Variants in EPG5 observed in about 807,000 individuals in gnomAD.
EPG5 encodes ectopic P granules protein 5 homolog.
EPG5 carries 159 observed loss-of-function variants against 302.7 expected under a neutral mutation model. The ratio of observed to expected loss-of-function variants is 0.53; its 90% CI spans 0.46 to 0.60. The LOEUF (loss-of-function observed/expected upper bound fraction) is 0.60. EPG5 is among the 20% of genes least tolerant of loss of function. The pLI is 0.00. For synonymous variants in EPG5, 1,158 were observed against 1,136.8 expected, an observed-to-expected ratio of 1.02 and a Z score of -0.37; for missense variants, 2,896 against 3,092.4, an observed-to-expected ratio of 0.94 and a Z score of 1.51.
chr18:45,945,623 T>C (rs2145922558), intron 7 of EPG5, among the ~76,000 whole-genome samples: 2 of 152,254 alleles, frequency 1.3e-5, no homozygotes, highest in South Asian at 2.1e-4. Flanking sequence ...TGGGATTAAA[T>C]GCAGGAAACC....
chr18:45,837,646 C>G, the EPG5 span: 1 of 1,506,510 alleles, frequency 6.6e-7, no homozygotes. Flanking sequence ...CCATCTGGCG[C>G]GCGGGCGAGC....
In EPG5 at chr18:45,850,959, T is replaced by C. The variant is rs1052180202; in HGVS notation, c.*1508A>G. The C allele has an allele frequency of 2.0e-5, 3 of 152,300 alleles. No individual in the cohort carries two copies. Among genetic ancestry groups the C allele is most frequent in the African/African-American group, 4.8e-5 (2 of 41,474 alleles). 9.4% of individuals were successfully genotyped at this position (152,300 alleles called of 1,614,324 possible). A position where few individuals can be genotyped will look rare whatever the true frequency, so the allele number is the denominator to read the frequency against. On this transcript the variant is annotated 3_prime_UTR_variant, in exon 44 of 44. Transcript: ENST00000282041. ...GACAGATCCCTCTGAGACGGACATT[T>C]TGTGGCCTGTAAAACTCAAGAGACT...
At chr18:45,880,527 G>A (rs1045143053) in intron 31 of EPG5, among the ~76,000 whole-genome samples, 2 of 152,112 alleles carry the variant, frequency 1.3e-5, no homozygotes, top group Non-Finnish European at 2.9e-5. Context: ...GGGAATGGTG[G>A]CAGTGCCTCT....
intron 16 of EPG5, among the ~76,000 whole-genome samples, chr18:45,921,964 A>T (rs768533690): frequency 5.8e-4 from 77 of 132,602 alleles, no homozygotes; most frequent in African/African-American, 8.1e-4. Context: ...AGTAAAATTT[A>T]AAAAAAAAAA....
chr18:45,881,145 T>C (rs992720502), intron 31 of EPG5, among the ~76,000 whole-genome samples: 8 of 152,336 alleles, frequency 5.3e-5, no homozygotes, highest in African/African-American at 1.7e-4. Context: ...TCATGACATC[T>C]GAGAGGTATC....
chr18:45,954,468 G>C lies in EPG5; in HGVS notation c.934C>G (p.Leu312Val), dbSNP rs1599648657. The stretch of plus-strand genomic sequence containing the variant: ...TTTTGGCAATCAGATGTCAGAGTAA[G>C]CAGCTCAGCTTCAGCCAGCAGCAGT... ...KQLLLAEAELLTLTSDCQNAK... is the reference protein window; with the variant it reads ...KQLLLAEAELVTLTSDCQNAK... The change falls in exon 2 of 44, where the codon CTT becomes GTT. Residue 312 changes from leucine to valine, a missense_variant. By Grantham distance (32) the Leu-to-Val change is conservative (BLOSUM62 1). This residue lies in a region of EPG5 where 1,390 missense variants were observed against 1,430.0 expected (regional missense o/e 0.97). Transcript: ENST00000282041. The C allele has an allele frequency of 6.2e-7, 1 of 1,614,256 alleles. No homozygotes were observed. Among genetic ancestry groups the C allele is most frequent in the East Asian group, 2.2e-5 (1 of 44,896 alleles).
Position 45,852,702 on chromosome 18 carries a change from C to T in EPG5, c.7558-53G>A, listed in dbSNP as rs2048440525. ...AACTCCATAGAGGCACATAATGTGA[C>T]TGCCAGAGGTACAGCACACCCATTA... On this transcript the variant is annotated intron_variant, in intron 43 of 43. Transcript: ENST00000282041. 2.0e-6 allele frequency: 3 copies of T among 1,482,352 alleles called. No individual in the cohort carries two copies. In the African/African-American group the frequency reaches 4.2e-5, roughly 21 times the overall value. 91.8% of individuals were successfully genotyped at this position (1,482,352 alleles called of 1,614,324 possible).
intron 22 of EPG5, 57 bp from the exon 23 acceptor site, chr18:45,910,799 T>C: frequency 4.3e-6 from 6 of 1,392,932 alleles, no homozygotes; most frequent in Non-Finnish European, 6.0e-6. Flanking sequence ...ACTTTCTGTA[T>C]GGCATAAAAT....
At chr18:45,874,373 AC>A (rs973556771) in intron 35 of EPG5, among the ~76,000 whole-genome samples, 5 of 152,188 alleles carry the variant, frequency 3.3e-5, no homozygotes, top group African/African-American at 1.2e-4. Context: ...CAAAAAAAAA[AC>A]AAAACTGGAT....
rs771061764 is a variant in EPG5 at position 45,929,034 on chromosome 18, G to T, written c.2413-25C>A. On this transcript the variant is annotated intron_variant, in intron 12 of 43. Coordinates refer to ENST00000282041, the MANE Select transcript of EPG5 (RefSeq NM_020964.3). ...CCTAAATGGGGGGAAGGGGGAAGAA[G>T]ATGGCACTTTTAATATCAATTAGCA... is the stretch of plus-strand genomic sequence containing the variant. The T allele has an allele frequency of 6.8e-6, 11 of 1,606,026 alleles. No homozygotes were observed. In the African/African-American group the frequency reaches 1.3e-4, roughly 20 times the overall value.
Position 45,896,257 on chromosome 18 carries a change from G to A in EPG5, c.4809+3147C>T, listed in dbSNP as rs1346269916. On this transcript the variant is annotated intron_variant, in intron 27 of 43. Coordinates refer to ENST00000282041, the MANE Select transcript of EPG5 (RefSeq NM_020964.3). ...TGCGTTATCAGGCAAAACACTGGCTGCAGTCGATACTATTATTGATACTGA... is the reference window on the plus strand; with the variant it reads ...TGCGTTATCAGGCAAAACACTGGCTACAGTCGATACTATTATTGATACTGA... 4.6e-5 allele frequency among the ~76,000 whole-genome samples: 7 copies of A among 152,218 alleles called. No homozygotes were observed. The East Asian group carries it at 1.2e-3, about 25-fold the overall frequency.
At chr18:45,962,195 A>G (rs1426488402) in intron 1 of EPG5, among the ~76,000 whole-genome samples, 3 of 152,210 alleles carry the variant, frequency 2.0e-5, no homozygotes, top group Non-Finnish European at 4.4e-5. Context: ...ACTATGCAGC[A>G]TCCCCCAACT....
Position 45,949,293 on chromosome 18 carries a change from T to C in EPG5, c.1497+191A>G, listed in dbSNP as rs75341729. 2.9e-3 allele frequency among the ~76,000 whole-genome samples: 440 copies of C among 152,314 alleles called. No homozygotes were observed. The highest frequency in any genetic ancestry group is 9.9e-3 in the African/African-American group (413 of 41,570). ...AGCAGACTTAGTACAGTCTGTACTA[T>C]CAATTATGGGTAGCCCAACAAGTTT... On this transcript the variant is annotated intron_variant, in intron 5 of 43. Transcript: ENST00000282041.
At chr18:45,953,979 G>A (rs1473694557) in intron 2 of EPG5, 2 of 954,248 alleles carry the variant, frequency 2.1e-6, no homozygotes, top group Non-Finnish European at 2.5e-6. Context: ...AATTTCAGCT[G>A]GAGACATGAT....
At chr18:45,822,985 A>G in the EPG5 span, among the ~76,000 whole-genome samples, 1 of 152,194 alleles carries the variant, frequency 6.6e-6, no homozygotes, top group Non-Finnish European at 1.5e-5. Flanking sequence ...GGAAAGATAG[A>G]CAAAAATATC....
chr18:45,860,070 C>G (rs576799404), intron 40 of EPG5, 34 bp downstream of exon 40: 3 of 1,611,254 alleles, frequency 1.9e-6, no homozygotes, highest in East Asian at 2.2e-5. Context: ...TGGAAAAGAC[C>G]AATACAATGG....
At chr18:45,824,181 G>A in the EPG5 span, among the ~76,000 whole-genome samples, 2 of 152,156 alleles carry the variant, frequency 1.3e-5, no homozygotes, top group African/African-American at 4.8e-5. Context: ...AACCTGAAGG[G>A]CCTCCTGTGT....
At position 45,967,315 on chromosome 18, in the gene EPG5, T is replaced by G; in HGVS notation, c.-76A>C. On this transcript the variant is annotated 5_prime_UTR_variant, in exon 1 of 44. Transcript: ENST00000282041. ...TCAAGCAACCTGCCCGGTTCTGGCC[T>G]CCGGACTGTCACATGATCGAATCTC... The G allele has an allele frequency of 2.9e-6, 4 of 1,374,404 alleles. No individual in the cohort carries two copies. Among genetic ancestry groups the G allele is most frequent in the Non-Finnish European group, 3.9e-6 (4 of 1,029,022 alleles). The allele number at this position is 1,374,404 out of a possible 1,614,324, so 85.1% of individuals were successfully genotyped here.
Position 45,870,738 on chromosome 18 carries a change from C to G in EPG5, c.6054G>C (p.Lys2018Asn). 1.3e-6 allele frequency: 2 copies of G among 1,593,922 alleles called. No homozygotes were observed. Among genetic ancestry groups the G allele is most frequent in the Middle Eastern group, 1.7e-4 (1 of 5,966 alleles). ...GGGCTCCTGCATCACCTGGCAACAG[C>G]TTATCTAGAATGTGAAAAGAAAATA... ...IDSLHESFKD[K>N]LLPGDAGALW... The change falls in exon 36 of 44, where the codon AAG becomes AAC. Residue 2018 changes from lysine (K) to asparagine (N), a missense_variant. By Grantham distance (94) the Lys-to-Asn change is moderately conservative. Transcript: ENST00000282041.
Sources: allele counts gnomAD v4.1 joint callset (sites outside exome capture counted in the v4.1 genomes callset), GRCh38; gene constraint gnomAD v4.1.1; regional missense constraint gnomAD v4.1.1; transcripts MANE v1.5; gene names NCBI Gene and HGNC (gene_info 2026-07-23, HGNC 2026-07-21).